ZNF385B: variants seen among roughly 807,000 people sequenced by gnomAD.
ZNF385B encodes the protein zinc finger protein 533.
ZNF385B carries 23 observed loss-of-function variants against 39.2 expected under a neutral mutation model. The ratio of observed to expected loss-of-function variants is 0.59; its 90% CI spans 0.42 to 0.83. The LOEUF is 0.83. Ranked by LOEUF, ZNF385B falls within the 40% of genes least tolerant of loss-of-function variation. The probability of loss-of-function intolerance (pLI) is 0.00; values close to 1 mark genes in which losing one functional copy is unlikely to be tolerated. For synonymous variants in ZNF385B, 205 were observed against 222.6 expected (o/e 0.92, Z 0.70); for missense variants, 552 against 598.9 (o/e 0.92, Z 0.82).
intron 6 of ZNF385B, among the ~76,000 whole-genome samples, chr2:179,449,734 A>G (rs1201850330): frequency 1.3e-5 from 2 of 152,332 alleles, no homozygotes; most frequent in Admixed American, 1.3e-4. Context: ...CTTTCTTCAC[A>G]GAATTGGAAA....
At chr2:179,755,803 C>T (rs1702977510) in intron 3 of ZNF385B, among the ~76,000 whole-genome samples, 1 of 152,124 alleles carries the variant, frequency 6.6e-6, no homozygotes, top group Admixed American at 6.6e-5. Flanking sequence ...TCCTCCATCC[C>T]TTTATTTTGA....
chr2:179,794,861 A>C (rs562348460), intron 1 of ZNF385B, among the ~76,000 whole-genome samples: 1 of 152,264 alleles, frequency 6.6e-6, no homozygotes, highest in East Asian at 1.9e-4. Flanking sequence ...GTCCTTAAAC[A>C]CAGAGAGAGG....
Position 179,549,378 on chromosome 2 carries a change from C to T in ZNF385B, c.299-4409G>A, listed in dbSNP as rs183394531. ...GTTTGGTCATCTGATAACTAAATGG[C>T]TTAATATTTTGAGGAAGTGGCAGGC... On this transcript the variant is annotated intron_variant, in intron 3 of 9. Transcript: ENST00000410066. Among the ~76,000 whole-genome samples the T allele has an allele frequency of 2.7e-5, 4 of 149,606 alleles. 1 individual carries two copies. Among genetic ancestry groups the T allele is most frequent in the African/African-American group, 5.0e-5 (2 of 39,836 alleles).
chr2:179,850,265 C>A (rs1327229820), intron 1 of ZNF385B, among the ~76,000 whole-genome samples: 1 of 152,148 alleles, frequency 6.6e-6, no homozygotes, highest in East Asian at 1.9e-4. Flanking sequence ...AAGAAGGGGA[C>A]AGATTGTAGC....
intron 3 of ZNF385B, among the ~76,000 whole-genome samples, chr2:179,744,490 C>T (rs941142931): frequency 6.6e-6 from 1 of 152,086 alleles, no homozygotes; most frequent in Non-Finnish European, 1.5e-5. Flanking sequence ...ACAGTGGCTT[C>T]TAGCAAGATA....
chr2:179,721,741 TA>T (rs1265657013), intron 3 of ZNF385B, among the ~76,000 whole-genome samples: 2 of 151,964 alleles, frequency 1.3e-5, no homozygotes, highest in Admixed American at 6.6e-5. Flanking sequence ...GGATAGCTAT[TA>T]AAAAAACTCA....
At chr2:179,795,679 C>A (rs1384681373) in intron 1 of ZNF385B, among the ~76,000 whole-genome samples, 1 of 151,836 alleles carries the variant, frequency 6.6e-6, no homozygotes, top group Admixed American at 6.6e-5. Flanking sequence ...TCGCTAATTT[C>A]AGTTGTTATT....
chr2:179,544,950 A>G lies in ZNF385B; in HGVS notation c.318T>C (p.Thr106=). 6.2e-7 allele frequency: 1 copy of G among 1,613,988 alleles called. No individual in the cohort carries two copies. Among genetic ancestry groups the G allele is most frequent in the African/African-American group, 1.3e-5 (1 of 75,064 alleles). Residue 106 remains threonine, a synonymous_variant, in exon 4 of 10, where the codon ACT becomes ACC. Coordinates refer to ENST00000410066, the MANE Select transcript of ZNF385B (RefSeq NM_152520.6). Reference sequence around the variant, plus strand: ...GTGTGCGCACAAGAGCAGGAAGGGTAGTAGTGTGGCATGTACTGCCTGCCA... The same window carrying G: ...GTGTGCGCACAAGAGCAGGAAGGGTGGTAGTGTGGCATGTACTGCCTGCCA... ...NSSTGSTCHT[T]TLPALVRTPT...
chr2:179,770,338 T>C (rs1038799577), intron 2 of ZNF385B, among the ~76,000 whole-genome samples, 183 bp downstream of exon 2: 1 of 152,206 alleles, frequency 6.6e-6, no homozygotes, highest in South Asian at 2.1e-4. Flanking sequence ...TGTTACATAA[T>C]AGGCATTCAA....
chr2:179,542,729 A>G (rs1308038789), intron 4 of ZNF385B, among the ~76,000 whole-genome samples: 4 of 152,188 alleles, frequency 2.6e-5, no homozygotes, highest in African/African-American at 9.7e-5. Flanking sequence ...TGACTAACAG[A>G]TTAGTGCTAA....
intron 3 of ZNF385B, among the ~76,000 whole-genome samples, chr2:179,619,441 TG>T (rs1208695729): frequency 2.0e-5 from 3 of 152,212 alleles, no homozygotes. Context: ...AGGCTGAAGC[TG>T]GGGAACCAAG....
chr2:179,472,717 A>G (rs1461724488), intron 6 of ZNF385B, among the ~76,000 whole-genome samples: 1 of 152,202 alleles, frequency 6.6e-6, no homozygotes, highest in Non-Finnish European at 1.5e-5. Flanking sequence ...TAAATTCAGC[A>G]GGGACTTTTC....
intron 3 of ZNF385B, among the ~76,000 whole-genome samples, chr2:179,641,551 C>T (rs1309331554): frequency 7.9e-5 from 12 of 152,044 alleles, no homozygotes; most frequent in Non-Finnish European, 1.6e-4. Context: ...TTGGAAATTA[C>T]CATTTTATAA....
intron 4 of ZNF385B, among the ~76,000 whole-genome samples, chr2:179,534,152 T>C (rs1196091188): frequency 6.6e-6 from 1 of 152,208 alleles, no homozygotes; most frequent in African/African-American, 2.4e-5. Flanking sequence ...GTACCAGGAA[T>C]AACTATTTTA....
At chr2:179,656,377 T>C (rs1693765402) in intron 3 of ZNF385B, among the ~76,000 whole-genome samples, 1 of 152,120 alleles carries the variant, frequency 6.6e-6, no homozygotes, top group Non-Finnish European at 1.5e-5. Context: ...GGGTAAGTGA[T>C]TTGCCAAGGG....
intron 1 of ZNF385B, among the ~76,000 whole-genome samples, chr2:179,840,409 T>C (rs1205793236): frequency 6.6e-6 from 1 of 152,186 alleles, no homozygotes. Flanking sequence ...CAAAGTTCAA[T>C]GATAAGAGCA....
At chr2:179,578,709 T>C (rs563499848) in intron 3 of ZNF385B, among the ~76,000 whole-genome samples, 5 of 152,192 alleles carry the variant, frequency 3.3e-5, no homozygotes, top group Admixed American at 2.6e-4. Context: ...TTTAAGGTCA[T>C]TAGATTCTGT....
At chr2:179,696,347 T>TTTTTTC (rs1698758090) in intron 3 of ZNF385B, among the ~76,000 whole-genome samples, 1 of 142,578 alleles carries the variant, frequency 7.0e-6, no homozygotes. Flanking sequence ...TTTTTTTTTT[T>TTTTTTC]TTGCATCCTA....
intron 3 of ZNF385B, among the ~76,000 whole-genome samples, chr2:179,736,508 G>A (rs867145147): frequency 1.3e-5 from 2 of 152,148 alleles, no homozygotes; most frequent in African/African-American, 4.8e-5. Flanking sequence ...CATGAGGTGT[G>A]TCAAGGACAG....
Sources: gnomAD v4.1 joint callset for allele counts (sites outside exome capture counted in the v4.1 genomes callset) on GRCh38, gnomAD v4.1.1 for gene constraint, MANE v1.5 for transcripts, NCBI Gene and HGNC (gene_info 2026-07-23, HGNC 2026-07-21) for gene names.